HDAC9: variants seen among roughly 807,000 people sequenced by gnomAD.
The protein encoded by HDAC9 is MEF-2 interacting transcription repressor (MITR) protein.
A neutral mutation model predicts 139.4 loss-of-function variants in HDAC9; 41 were observed. The observed-to-expected ratio is 0.29, with a 90% CI of 0.23 to 0.38. The LOEUF is 0.38. Ranked by LOEUF, HDAC9 falls within the 10% of genes least tolerant of loss-of-function variation. HDAC9 has a pLI of 1.00. For missense variants in HDAC9, 1,147 were observed against 1,297.0 expected (o/e 0.88, Z 1.78); for synonymous variants, 517 against 476.2 (o/e 1.09, Z -1.12).
chr7:18,269,769 T>TAC (rs1444010729), intron 2 of HDAC9, among the ~76,000 whole-genome samples: 7 of 152,050 alleles, frequency 4.6e-5, no homozygotes, highest in East Asian at 1.9e-4. Context: ...TATATATATA[T>TAC]ACACACACAT....
At chr7:18,326,383 G>A (rs1054465501) in intron 1 of HDAC9, among the ~76,000 whole-genome samples, 3 of 151,988 alleles carry the variant, frequency 2.0e-5, no homozygotes, top group African/African-American at 7.2e-5. Flanking sequence ...AAAATTGTTT[G>A]AAAGAAGTAG....
In HDAC9 at chr7:18,594,073, A is replaced by T. The variant is rs187272175; in HGVS notation, c.664+44A>T. The T allele has an allele frequency of 1.4e-5, 22 of 1,605,246 alleles. No homozygotes were observed. In the East Asian group the frequency reaches 4.5e-4, roughly 33 times the overall value. ...AACTCTGTTTGCTCTTCTGTAACACACCTGTAAGTTTCATTTTGCCACACC... is the reference window on the plus strand; with the variant it reads ...AACTCTGTTTGCTCTTCTGTAACACTCCTGTAAGTTTCATTTTGCCACACC... On this transcript the variant is annotated intron_variant, in intron 6 of 25. Transcript: ENST00000686413.
chr7:18,278,057 C>T (rs560030629), intron 2 of HDAC9, among the ~76,000 whole-genome samples: 6 of 152,180 alleles, frequency 3.9e-5, no homozygotes, highest in Non-Finnish European at 8.8e-5. Context: ...GAGGAAGCAC[C>T]ATCTTGAACT....
At chr7:18,851,316 C>A (rs1000619297) in intron 21 of HDAC9, 1 of 152,182 alleles carries the variant, frequency 6.6e-6, no homozygotes, top group Non-Finnish European at 1.5e-5. Context: ...GATTTCCCCA[C>A]GCTGTTCTCA....
At chr7:18,531,490 A>C (rs918755218) in intron 2 of HDAC9, among the ~76,000 whole-genome samples, 1 of 152,140 alleles carries the variant, frequency 6.6e-6, no homozygotes, top group African/African-American at 2.4e-5. Context: ...GAACCAAATG[A>C]GAAATGTACT....
intron 1 of HDAC9, among the ~76,000 whole-genome samples, chr7:18,449,827 T>C (rs1339058357): frequency 6.6e-6 from 1 of 152,176 alleles, no homozygotes; most frequent in Non-Finnish European, 1.5e-5. Context: ...GTTTACTAAT[T>C]ATCTGTTTGC....
chr7:18,208,819 AAG>A (rs1562750497), intron 2 of HDAC9, among the ~76,000 whole-genome samples: 1 of 152,250 alleles, frequency 6.6e-6, no homozygotes, highest in Non-Finnish European at 1.5e-5. Flanking sequence ...ATGAAAAATA[AAG>A]AGAGACTGGA....
chr7:18,192,759 A>G (rs1205956703), intron 2 of HDAC9, among the ~76,000 whole-genome samples: 3 of 152,226 alleles, frequency 2.0e-5, no homozygotes, highest in Non-Finnish European at 2.9e-5. Context: ...GCTAAAATAC[A>G]ACATGCCAGA....
intron 2 of HDAC9, among the ~76,000 whole-genome samples, chr7:18,267,366 A>G (rs907079695): frequency 1.1e-4 from 17 of 152,132 alleles, no homozygotes; most frequent in Admixed American, 1.1e-3. Flanking sequence ...TATAGTCACC[A>G]TGACGTACAA....
intron 2 of HDAC9, among the ~76,000 whole-genome samples, chr7:18,505,090 T>C (rs903618195): frequency 3.9e-5 from 6 of 152,184 alleles, no homozygotes; most frequent in Admixed American, 3.9e-4. Context: ...GTTAGCACTA[T>C]CCAGGGCTGA....
At chr7:18,393,160 G>C (rs1786706821) in intron 1 of HDAC9, among the ~76,000 whole-genome samples, 1 of 151,220 alleles carries the variant, frequency 6.6e-6, no homozygotes, top group South Asian at 2.1e-4. Context: ...ATTGGCTCAA[G>C]ATGAAATAGA....
At chr7:18,937,995 A>C (rs556795576) in intron 23 of HDAC9, among the ~76,000 whole-genome samples, 1 of 152,142 alleles carries the variant, frequency 6.6e-6, no homozygotes, top group Non-Finnish European at 1.5e-5. Context: ...AACTGTGTGG[A>C]GTTACATGTT....
At chr7:18,933,438 G>A (rs1220708977) in intron 22 of HDAC9, among the ~76,000 whole-genome samples, 1 of 151,984 alleles carries the variant, frequency 6.6e-6, no homozygotes, top group Non-Finnish European at 1.5e-5. Context: ...CTTTTGTAAG[G>A]GTACTGATCT....
chr7:18,652,809 T>C (rs1789737662), intron 11 of HDAC9, among the ~76,000 whole-genome samples: 1 of 152,164 alleles, frequency 6.6e-6, no homozygotes, highest in Non-Finnish European at 1.5e-5. Context: ...TAATGAATTA[T>C]TAATCTATGT....
At chr7:18,569,617 A>G (rs1401495483) in intron 2 of HDAC9, among the ~76,000 whole-genome samples, 1 of 152,254 alleles carries the variant, frequency 6.6e-6, no homozygotes, top group Non-Finnish European at 1.5e-5. Context: ...GAGTTCTGCC[A>G]GAAATAGAAA....
intron 12 of HDAC9, among the ~76,000 whole-genome samples, chr7:18,690,309 A>C (rs1782581468): frequency 2.0e-5 from 3 of 152,088 alleles, no homozygotes; most frequent in African/African-American, 7.2e-5. Context: ...AAATATTTGT[A>C]AATTATATCC....
At chr7:18,450,506 A>G (rs945953728) in intron 1 of HDAC9, among the ~76,000 whole-genome samples, 1 of 152,164 alleles carries the variant, frequency 6.6e-6, no homozygotes, top group African/African-American at 2.4e-5. Context: ...CCCCTTTCCC[A>G]GTTCTGGTTA....
chr7:18,745,883 CTTTTTTTT>C (rs752292349), intron 13 of HDAC9, among the ~76,000 whole-genome samples: 62 of 99,480 alleles, frequency 6.2e-4, no homozygotes, highest in African/African-American at 2.5e-3. Context: ...TCTTCTTCTT[CTTTTTTTT>C]TTTTTTTTTT....
intron 1 of HDAC9, among the ~76,000 whole-genome samples, chr7:18,158,528 C>T (rs556263484): frequency 2.6e-5 from 4 of 152,188 alleles, no homozygotes; most frequent in Non-Finnish European, 4.4e-5. Context: ...CTAAGAGTTA[C>T]AGGATCAGCC....
Sources: allele counts gnomAD v4.1 joint callset (sites outside exome capture counted in the v4.1 genomes callset), GRCh38; gene constraint gnomAD v4.1.1; transcripts MANE v1.5; gene names NCBI Gene and HGNC (gene_info 2026-07-23, HGNC 2026-07-21).